The following PCDH11Y variants were observed in gnomAD, a reference collection of about 807,000 sequenced individuals.
PCDH11Y encodes protocadherin 11 Y-linked.
For synonymous variants in PCDH11Y, 9 were observed against 83.6 expected (o/e 0.11, Z 4.87); for missense variants, 12 against 224.8 (o/e 0.05, Z 6.05).
chrY:5,075,537 C>T (rs1602857056), intron 1 of PCDH11Y, among the ~76,000 whole-genome samples: 1 of 32,742 alleles, frequency 3.1e-5, no homozygotes, highest in Non-Finnish European at 7.5e-5. Context: ...TTTTGGTACC[C>T]ATTAATCATC....
intron 2 of PCDH11Y, among the ~76,000 whole-genome samples, chrY:5,134,158 C>T: frequency 3.0e-5 from 1 of 33,089 alleles, no homozygotes; most frequent in East Asian, 7.9e-4. Flanking sequence ...TCTCATTGTT[C>T]ACCATTGGCA....
intron 2 of PCDH11Y, among the ~76,000 whole-genome samples, chrY:5,218,652 A>G: frequency 5.0e-5 from 1 of 19,887 alleles, no homozygotes; most frequent in Non-Finnish European, 1.2e-4. Flanking sequence ...TAAAAATTGT[A>G]TAAATTTAAG....
intron 4 of PCDH11Y, among the ~76,000 whole-genome samples, chrY:5,677,858 G>A: frequency 3.1e-5 from 1 of 32,314 alleles, no homozygotes; most frequent in Non-Finnish European, 7.6e-5. Context: ...AAAAATATTG[G>A]TGTAAACTCC....
In PCDH11Y at chrY:5,397,419, T is replaced by C. The variant is rs2053228594; in HGVS notation, c.3130-103638T>C. On this transcript the variant is annotated intron_variant, in intron 2 of 4. Coordinates refer to the PCDH11Y transcript ENST00000400457. The stretch of plus-strand genomic sequence containing the variant: ...ACTTCTTCCTTTGCAATATGGATGC[T>C]GTTCATTTCTTTTTCTTGCTTGATT... Among the ~76,000 whole-genome samples the C allele has an allele frequency of 5.6e-4, 18 of 31,970 alleles. No homozygotes were observed. In the East Asian group the frequency reaches 0.014, roughly 26 times the overall value. 85.8% of individuals were successfully genotyped at this position (31,970 alleles called of 37,273 possible). A position where few individuals can be genotyped will look rare whatever the true frequency, so the allele number is the denominator to read the frequency against.
chrY:5,270,925 C>A, intron 2 of PCDH11Y, among the ~76,000 whole-genome samples: 2 of 33,012 alleles, frequency 6.1e-5, no homozygotes, highest in African/African-American at 2.4e-4. Context: ...TGGTAATAGA[C>A]TCTCTATGAA....
intron 2 of PCDH11Y, among the ~76,000 whole-genome samples, chrY:5,129,478 C>CACAGAGAGAG (rs2052830805): frequency 3.2e-4 from 4 of 12,474 alleles, no homozygotes; most frequent in African/African-American, 1.5e-3. Flanking sequence ...CACACACACA[C>CACAGAGAGAG]AGAGAGAGAG....
chrY:5,256,658 C>T, intron 2 of PCDH11Y, among the ~76,000 whole-genome samples: 2 of 33,378 alleles, frequency 6.0e-5, no homozygotes, highest in South Asian at 1.3e-3. Context: ...TAACAATATT[C>T]GTTCTTCCAA....
intron 4 of PCDH11Y, among the ~76,000 whole-genome samples, chrY:5,695,919 C>G: frequency 3.1e-5 from 1 of 32,785 alleles, no homozygotes; most frequent in Non-Finnish European, 7.5e-5. Flanking sequence ...GTAGTTTATA[C>G]ACTACAGTTA....
At chrY:5,114,669 C>T (rs2052807166) in intron 2 of PCDH11Y, 1 of 31,819 alleles carries the variant, frequency 3.1e-5, no homozygotes, top group Admixed American at 3.0e-4. Flanking sequence ...AACTCCTGAC[C>T]TGAAGTGATC....
At chrY:5,255,054 T>C (rs2053008639) in intron 2 of PCDH11Y, among the ~76,000 whole-genome samples, 1 of 30,870 alleles carries the variant, frequency 3.2e-5, no homozygotes. Flanking sequence ...TTACAAACAA[T>C]CCAGTTTCAC....
intron 2 of PCDH11Y, among the ~76,000 whole-genome samples, chrY:5,310,982 C>T: frequency 3.1e-5 from 1 of 32,223 alleles, no homozygotes; most frequent in Non-Finnish European, 7.6e-5. Context: ...TCCACTTCTC[C>T]TCACGTCTTT....
At chrY:5,535,492 G>A in intron 3 of PCDH11Y, among the ~76,000 whole-genome samples, 8 of 32,682 alleles carry the variant, frequency 2.4e-4, no homozygotes, top group Non-Finnish European at 3.7e-4. Flanking sequence ...ATGATATTTG[G>A]TTTTCTATTC....
At chrY:5,261,273 G>A in intron 2 of PCDH11Y, among the ~76,000 whole-genome samples, 2 of 33,508 alleles carry the variant, frequency 6.0e-5, no homozygotes, top group Non-Finnish European at 1.5e-4. Context: ...CGAAAATGTG[G>A]AAGCAAGTTT....
intron 4 of PCDH11Y, among the ~76,000 whole-genome samples, chrY:5,647,921 T>C: frequency 5.4e-4 from 18 of 33,464 alleles, no homozygotes; most frequent in Admixed American, 5.0e-3. Context: ...TTCAAATTAT[T>C]ATGTCAAAAT....
chrY:5,655,162 T>A, intron 4 of PCDH11Y, among the ~76,000 whole-genome samples: 1 of 29,174 alleles, frequency 3.4e-5, no homozygotes, highest in African/African-American at 1.4e-4. Flanking sequence ...TCAGAGTTCA[T>A]CCTTTCAACT....
chrY:5,336,836 T>TA (rs1273180019), intron 2 of PCDH11Y, among the ~76,000 whole-genome samples: 1,265 of 24,830 alleles, frequency 0.051, no homozygotes, highest in East Asian at 0.05. Flanking sequence ...GAGGTTCTGG[T>TA]AAAAAAAAAA....
exon 5 of PCDH11Y, chrY:5,740,605 C>G: frequency 3.0e-5 from 1 of 33,049 alleles, no homozygotes; most frequent in South Asian, 6.7e-4. Context: ...TAGGTCTGGC[C>G]TTGGAAATCT....
At chrY:5,549,969 G>A in intron 3 of PCDH11Y, among the ~76,000 whole-genome samples, 1 of 31,892 alleles carries the variant, frequency 3.1e-5, no homozygotes. Flanking sequence ...TTGGAGGAAG[G>A]AGAGGAGCAG....
chrY:5,439,632 CA>C (rs2053278787), intron 2 of PCDH11Y, among the ~76,000 whole-genome samples: 1 of 32,867 alleles, frequency 3.0e-5, no homozygotes, highest in Non-Finnish European at 7.5e-5. Flanking sequence ...ATTTAGGTAC[CA>C]AAACTTATTT....
Sources: gnomAD v4.1 joint callset for allele counts (sites outside exome capture counted in the v4.1 genomes callset) on GRCh38, gnomAD v4.1.1 for gene constraint, MANE v1.5 for transcripts, NCBI Gene and HGNC (gene_info 2026-07-23, HGNC 2026-07-21) for gene names.